KCNMB2: variants seen among roughly 807,000 people sequenced by gnomAD.
KCNMB2 encodes the protein potassium calcium-activated channel subfamily M regulatory beta subunit 2, also known as calcium-activated potassium channel subunit beta-2.
In KCNMB2, 9 loss-of-function variants were observed where a neutral mutation model predicts 24.5. That is an observed-to-expected ratio of 0.37 (90% CI 0.22 to 0.64). The LOEUF (loss-of-function observed/expected upper bound fraction) is 0.64. KCNMB2 is among the 30% of genes least tolerant of loss of function. KCNMB2 has a pLI of 0.63. For missense variants in KCNMB2, 226 were observed against 284.3 expected (o/e 0.79, Z 1.47); for synonymous variants, 109 against 104.4 (o/e 1.04, Z -0.27).
At chr3:178,818,953 C>T (rs1474041369) in intron 2 of KCNMB2, among the ~76,000 whole-genome samples, 1 of 152,040 alleles carries the variant, frequency 6.6e-6, no homozygotes, top group African/African-American at 2.4e-5. Context: ...ATCATTTGCT[C>T]GTCCAAGACT....
intron 4 of KCNMB2, among the ~76,000 whole-genome samples, chr3:178,834,840 A>G (rs1715166755): frequency 6.6e-6 from 1 of 152,052 alleles, no homozygotes; most frequent in Non-Finnish European, 1.5e-5. Flanking sequence ...ACAGCTGAAG[A>G]GGGCACCTTT....
intron 1 of KCNMB2, among the ~76,000 whole-genome samples, chr3:178,794,489 G>A (rs1267087866): frequency 6.6e-6 from 1 of 152,224 alleles, no homozygotes; most frequent in Non-Finnish European, 1.5e-5. Flanking sequence ...GAGGCCTGCA[G>A]GAGTTGCTGC....
intron 1 of KCNMB2, among the ~76,000 whole-genome samples, chr3:178,716,935 G>C (rs1722636922): frequency 6.6e-6 from 1 of 151,022 alleles, no homozygotes; most frequent in Non-Finnish European, 1.5e-5. Flanking sequence ...GGTCATAGTA[G>C]AGTCAGTCTT....
chr3:178,729,302 C>CA (rs1342105948), intron 1 of KCNMB2: 1 of 152,150 alleles, frequency 6.6e-6, no homozygotes, highest in Non-Finnish European at 1.5e-5. Context: ...GGCTGTGCTT[C>CA]ATGTACCACA....
chr3:178,602,938 T>C lies in KCNMB2; in HGVS notation c.-68+66227T>C, dbSNP rs1718140445. 2.6e-5 allele frequency among the ~76,000 whole-genome samples: 4 copies of C among 152,038 alleles called. No homozygotes were observed. The South Asian group carries it at 8.3e-4, about 32-fold the overall frequency. ...CACTAATGTAGAGAATATATTGGAG[T>C]TAGAGATTGGACGGGGTGGGAAGCA... On this transcript the variant is annotated intron_variant, in intron 1 of 4. Transcript: ENST00000452583.
chr3:178,595,024 A>C (rs189501555), intron 1 of KCNMB2, among the ~76,000 whole-genome samples: 1 of 138,048 alleles, frequency 7.2e-6, no homozygotes. Context: ...CTAACGTCTT[A>C]TTATTCCGTG....
chr3:178,794,755 G>A (rs941123953), intron 1 of KCNMB2, among the ~76,000 whole-genome samples: 1 of 152,210 alleles, frequency 6.6e-6, no homozygotes, highest in African/African-American at 2.4e-5. Flanking sequence ...TGCTGGAAAG[G>A]AGGGCTGGAA....
At chr3:178,675,963 C>T (rs530402625) in intron 1 of KCNMB2, among the ~76,000 whole-genome samples, 22 of 152,158 alleles carry the variant, frequency 1.4e-4, no homozygotes, top group Non-Finnish European at 2.6e-4. Context: ...GTTCAAAATA[C>T]TTATTACCCG....
At chr3:178,685,352 C>T (rs549401299) in intron 1 of KCNMB2, among the ~76,000 whole-genome samples, 33 of 152,284 alleles carry the variant, frequency 2.2e-4, no homozygotes, top group South Asian at 1.0e-3. Flanking sequence ...CCAAGGAATC[C>T]ACACTTGAGA....
chr3:178,813,620 C>T (rs1282903838), intron 2 of KCNMB2, among the ~76,000 whole-genome samples: 3 of 152,096 alleles, frequency 2.0e-5, no homozygotes, highest in Non-Finnish European at 4.4e-5. Flanking sequence ...TACACTCTTA[C>T]TCTATTGGCA....
At chr3:178,775,671 T>C (rs1039116012) in intron 1 of KCNMB2, among the ~76,000 whole-genome samples, 16 of 152,354 alleles carry the variant, frequency 1.1e-4, no homozygotes, top group South Asian at 2.1e-4. Flanking sequence ...ATAATGAATA[T>C]GGCTCTTGTC....
chr3:178,761,899 T>C (rs976443892), intron 1 of KCNMB2, among the ~76,000 whole-genome samples: 1 of 152,174 alleles, frequency 6.6e-6, no homozygotes, highest in African/African-American at 2.4e-5. Context: ...AGGCTGGGCA[T>C]GGTGGTTCAC....
At chr3:178,818,103 G>A (rs745398691) in intron 2 of KCNMB2, among the ~76,000 whole-genome samples, 8 of 152,132 alleles carry the variant, frequency 5.3e-5, no homozygotes, top group Non-Finnish European at 7.4e-5. Flanking sequence ...GCCCCATCAT[G>A]TATCTGATAG....
At chr3:178,656,629 C>T (rs1019466720) in intron 1 of KCNMB2, among the ~76,000 whole-genome samples, 6 of 151,878 alleles carry the variant, frequency 4.0e-5, no homozygotes, top group Non-Finnish European at 7.4e-5. Context: ...AAAAATTAGC[C>T]GGGTGTGGCG....
chr3:178,739,345 C>T (rs1723421199), intron 1 of KCNMB2, among the ~76,000 whole-genome samples: 1 of 152,174 alleles, frequency 6.6e-6, no homozygotes, highest in Admixed American at 6.5e-5. Flanking sequence ...AGTAACAGGC[C>T]ATTATCATAT....
intron 1 of KCNMB2, among the ~76,000 whole-genome samples, chr3:178,741,776 T>C (rs1399144240): frequency 6.6e-6 from 1 of 152,156 alleles, no homozygotes; most frequent in African/African-American, 2.4e-5. Flanking sequence ...CAACAGACCT[T>C]AGTAGATGCC....
chr3:178,614,301 GTA>G (rs1294967816), intron 1 of KCNMB2, among the ~76,000 whole-genome samples: 10 of 57,984 alleles, frequency 1.7e-4, no homozygotes, highest in African/African-American at 5.7e-4. Context: ...ATATATGTAT[GTA>G]TATATATGTA....
intron 2 of KCNMB2, among the ~76,000 whole-genome samples, chr3:178,818,490 G>A (rs1203083789): frequency 6.6e-6 from 1 of 152,056 alleles, no homozygotes; most frequent in Non-Finnish European, 1.5e-5. Context: ...TGTTCTCATT[G>A]CTCAGCTCCC....
At chr3:178,602,950 C>T (rs931038) in intron 1 of KCNMB2, among the ~76,000 whole-genome samples, 1 of 151,772 alleles carries the variant, frequency 6.6e-6, no homozygotes, top group African/African-American at 2.4e-5. Flanking sequence ...AGAGATTGGA[C>T]GGGGTGGGAA....
Sources: gnomAD v4.1 joint callset for allele counts (sites outside exome capture counted in the v4.1 genomes callset) on GRCh38, gnomAD v4.1.1 for gene constraint, MANE v1.5 for transcripts, NCBI Gene and HGNC (gene_info 2026-07-23, HGNC 2026-07-21) for gene names.